The following WWOX variants were observed in gnomAD, a reference collection of about 807,000 sequenced individuals.
WWOX encodes WW domain-containing oxidoreductase.
A neutral mutation model predicts 46.2 loss-of-function variants in WWOX; 69 were observed. That is an observed-to-expected ratio of 1.49 (90% CI 1.23 to 1.82). WWOX has a LOEUF of 1.82. WWOX is among the 40% of genes most tolerant of loss of function. WWOX has a pLI of 0.00. For missense variants in WWOX, 919 were observed against 542.6 expected (o/e 1.69, Z -6.89); for synonymous variants, 359 against 202.6 (o/e 1.77, Z -6.56).
chr16:78,557,422 G>A (rs532227377), intron 8 of WWOX, among the ~76,000 whole-genome samples: 19 of 152,216 alleles, frequency 1.2e-4, no homozygotes, highest in East Asian at 7.7e-4. Context: ...ATGTTAGCAC[G>A]TGCAGGCACC....
At chr16:78,485,888 A>C (rs1415616916) in intron 8 of WWOX, among the ~76,000 whole-genome samples, 1 of 152,220 alleles carries the variant, frequency 6.6e-6, no homozygotes. Context: ...TTGGCGACAA[A>C]GGCCTAAAGG....
intron 8 of WWOX, among the ~76,000 whole-genome samples, chr16:78,673,120 C>T (rs2142208957): frequency 6.6e-6 from 1 of 152,346 alleles, no homozygotes; most frequent in South Asian, 2.1e-4. Context: ...GGTCAACGTG[C>T]AGACATGTCC....
At chr16:78,681,279 C>G (rs1021630286) in intron 8 of WWOX, among the ~76,000 whole-genome samples, 8 of 152,038 alleles carry the variant, frequency 5.3e-5, no homozygotes, top group Non-Finnish European at 1.0e-4. Context: ...GTGGCATGTG[C>G]CTATGGTCCC....
At chr16:78,137,132 T>G (rs2033823112) in intron 4 of WWOX, among the ~76,000 whole-genome samples, 2 of 152,306 alleles carry the variant, frequency 1.3e-5, no homozygotes, top group African/African-American at 4.8e-5. Context: ...TGGAGATCCC[T>G]TCACCCAGAA....
At chr16:78,261,691 C>G (rs2079236458) in intron 5 of WWOX, among the ~76,000 whole-genome samples, 2 of 148,648 alleles carry the variant, frequency 1.3e-5, no homozygotes, top group South Asian at 2.1e-4. Flanking sequence ...GCTCCACTTG[C>G]AATATCACAA....
intron 8 of WWOX, among the ~76,000 whole-genome samples, chr16:78,764,001 C>T (rs536367621): frequency 6.6e-6 from 1 of 152,266 alleles, no homozygotes; most frequent in African/African-American, 2.4e-5. Flanking sequence ...CATGTTGGGC[C>T]TCTGCCCAGA....
intron 8 of WWOX, among the ~76,000 whole-genome samples, chr16:78,561,335 C>T (rs942052865): frequency 1.3e-5 from 2 of 151,994 alleles, no homozygotes; most frequent in African/African-American, 2.4e-5. Context: ...CATGTAGTTC[C>T]CTCCTGCTTT....
intron 8 of WWOX, among the ~76,000 whole-genome samples, chr16:78,939,970 A>G (rs1032585658): frequency 6.6e-6 from 1 of 152,248 alleles, no homozygotes; most frequent in African/African-American, 2.4e-5. Flanking sequence ...TGGTTAGACC[A>G]TAAACTACAT....
chr16:79,138,701 A>G (rs1225283003), intron 8 of WWOX, among the ~76,000 whole-genome samples: 1 of 152,188 alleles, frequency 6.6e-6, no homozygotes, highest in Non-Finnish European at 1.5e-5. Context: ...ACTTGCTTGC[A>G]CACACTTGTT....
chr16:79,102,291 C>A (rs2049216619), intron 8 of WWOX, among the ~76,000 whole-genome samples: 1 of 152,118 alleles, frequency 6.6e-6, no homozygotes, highest in Admixed American at 6.5e-5. Flanking sequence ...TGACTATGGA[C>A]AAGAGGTGTT....
At chr16:78,776,182 G>A (rs1051850666) in intron 8 of WWOX, among the ~76,000 whole-genome samples, 4 of 152,152 alleles carry the variant, frequency 2.6e-5, no homozygotes, top group African/African-American at 7.2e-5. Context: ...ATCTCAGAAG[G>A]ATGTTTTCCA....
chr16:78,769,802 T>G (rs899915377), intron 8 of WWOX, among the ~76,000 whole-genome samples: 1 of 149,674 alleles, frequency 6.7e-6, no homozygotes, highest in Non-Finnish European at 1.5e-5. Context: ...AGTCCAGGAG[T>G]TCGAGATCAG....
chr16:78,506,681 C>G (rs1015422724), intron 8 of WWOX: 3 of 137,112 alleles, frequency 2.2e-5, no homozygotes, highest in African/African-American at 8.3e-5. Context: ...CTCAAGATCT[C>G]TACCTTTTTG....
At chr16:78,282,136 C>G (rs1437927513) in intron 5 of WWOX, among the ~76,000 whole-genome samples, 2 of 152,166 alleles carry the variant, frequency 1.3e-5, no homozygotes, top group African/African-American at 4.8e-5. Flanking sequence ...CCTGGGCAGT[C>G]AAGGCTGGAG....
intron 8 of WWOX, among the ~76,000 whole-genome samples, chr16:78,751,815 G>A (rs2049487717): frequency 1.3e-5 from 2 of 151,256 alleles, no homozygotes; most frequent in South Asian, 2.1e-4. Context: ...GGAAGAGAAA[G>A]GATTTTCTAG....
chr16:78,673,917 C>T (rs1211560081), intron 8 of WWOX, among the ~76,000 whole-genome samples: 1 of 152,222 alleles, frequency 6.6e-6, no homozygotes, highest in East Asian at 1.9e-4. Flanking sequence ...ATTGGTTCAT[C>T]CCATTTGAGT....
At chr16:79,202,945 C>T (rs914208985) in intron 8 of WWOX, 2 of 152,116 alleles carry the variant, frequency 1.3e-5, no homozygotes, top group Non-Finnish European at 1.5e-5. Context: ...AAAAGACATA[C>T]CTTTGTAACT....
At chr16:79,134,505 T>C (rs1437533149) in intron 8 of WWOX, among the ~76,000 whole-genome samples, 4 of 152,150 alleles carry the variant, frequency 2.6e-5, no homozygotes, top group African/African-American at 9.7e-5. Context: ...GGATTGTTTG[T>C]TGTTCTTCCC....
intron 8 of WWOX, among the ~76,000 whole-genome samples, chr16:78,652,822 C>T (rs1597397261): frequency 6.6e-6 from 1 of 152,154 alleles, no homozygotes; most frequent in Admixed American, 6.5e-5. Flanking sequence ...CTTCCTTATT[C>T]ATCATATAAG....
Sources: gnomAD v4.1 joint callset for allele counts (sites outside exome capture counted in the v4.1 genomes callset) on GRCh38, gnomAD v4.1.1 for gene constraint, MANE v1.5 for transcripts, NCBI Gene and HGNC (gene_info 2026-07-23, HGNC 2026-07-21) for gene names.